Variants in CELF2 observed in about 807,000 individuals in gnomAD.
CELF2 encodes CUGBP Elav-like family member 2.
In CELF2, 8 loss-of-function variants were observed where a neutral mutation model predicts 62.6. The observed-to-expected ratio is 0.13, with a 90% CI of 0.07 to 0.23. The LOEUF (loss-of-function observed/expected upper bound fraction) is 0.23. Among genes scored for constraint, CELF2 ranks in the 10% least tolerant of loss-of-function variants. The probability of loss-of-function intolerance (pLI) is 1.00; values close to 1 mark genes in which losing one functional copy is unlikely to be tolerated. For missense variants in CELF2, 333 were observed against 671.0 expected, an observed-to-expected ratio of 0.50 and a Z score of 5.56; for synonymous variants, 258 against 250.0, an observed-to-expected ratio of 1.03 and a Z score of -0.30.
intron 3 of CELF2, among the ~76,000 whole-genome samples, chr10:11,222,514 A>AG (rs2065163333): frequency 6.6e-6 from 1 of 152,196 alleles, no homozygotes; most frequent in African/African-American, 2.4e-5. Context: ...GAGTCCTCGA[A>AG]GTCTTGTGCC....
chr10:11,152,678 T>G (rs774509636), intron 1 of CELF2, among the ~76,000 whole-genome samples: 2 of 152,268 alleles, frequency 1.3e-5, no homozygotes, highest in Non-Finnish European at 2.9e-5. Flanking sequence ...TCAGTTACTT[T>G]CTGTAGCATC....
At chr10:10,791,344 A>G in the CELF2 span, among the ~76,000 whole-genome samples, 3,976 of 152,094 alleles carry the variant, frequency 0.026, 76 homozygotes, top group South Asian at 0.047. Context: ...TAGGGATTCA[A>G]GAAACCAGTT....
intron 1 of CELF2, among the ~76,000 whole-genome samples, chr10:11,073,195 G>C (rs2070716605): frequency 1.3e-5 from 2 of 152,132 alleles, no homozygotes; most frequent in African/African-American, 4.8e-5. Context: ...GTGACTCAGT[G>C]GGCCTCCTGT....
rs186719250 is a variant in CELF2, at chr10:11,324,992, C to G, written c.1295-844C>G. ...AGCTCATATTTATGCCCTTTTGTGC[C>G]GCTTTTAACTTTCACATGGTGCTCA... On this transcript the variant is annotated intron_variant, in intron 11 of 12. Coordinates refer to ENST00000633077, the MANE Select transcript of CELF2 (RefSeq NM_001326342.2). The surrounding 1 kb of genome is among the most constrained non-coding windows in gnomAD (Gnocchi z 4.7). Among the ~76,000 whole-genome samples the G allele has an allele frequency of 1.3e-5, 2 of 152,282 alleles. No homozygotes were observed. Among genetic ancestry groups the G allele is most frequent in the African/African-American group, 4.8e-5 (2 of 41,556 alleles).
At chr10:10,481,644 C>T in the CELF2 span, among the ~76,000 whole-genome samples, 1 of 152,182 alleles carries the variant, frequency 6.6e-6, no homozygotes, top group African/African-American at 2.4e-5. Context: ...TGACATATGA[C>T]ATTATTGGAA....
chr10:10,686,778 C>G, the CELF2 span, among the ~76,000 whole-genome samples: 2 of 152,096 alleles, frequency 1.3e-5, no homozygotes, highest in African/African-American at 2.4e-5. Flanking sequence ...TATAAATTAC[C>G]CAGTCTCAGA....
intron 1 of CELF2, among the ~76,000 whole-genome samples, chr10:10,801,129 G>A (rs544925343): frequency 2.8e-4 from 42 of 151,762 alleles, no homozygotes; most frequent in Non-Finnish European, 5.3e-4. Flanking sequence ...CCAAATTTAA[G>A]TGAAGCTTAG....
At chr10:10,915,274 T>A (rs960925044) in intron 1 of CELF2, among the ~76,000 whole-genome samples, 2 of 152,084 alleles carry the variant, frequency 1.3e-5, no homozygotes, top group Non-Finnish European at 2.9e-5. Context: ...TTTTAAAAAA[T>A]GAACTTAAGA....
chr10:10,920,002 G>A, intron 2 of CELF2: 1 of 1,231,450 alleles, frequency 8.1e-7, no homozygotes, highest in East Asian at 3.2e-5. Flanking sequence ...CTACCAAGGT[G>A]AGCACGCTGG....
At chr10:10,465,683 C>T in the CELF2 span, among the ~76,000 whole-genome samples, 4 of 152,140 alleles carry the variant, frequency 2.6e-5, no homozygotes, top group Admixed American at 2.0e-4. Flanking sequence ...CCTCTATCCT[C>T]CTCATCTTTA....
the CELF2 span, among the ~76,000 whole-genome samples, chr10:10,616,487 T>C: frequency 3.3e-5 from 5 of 152,156 alleles, no homozygotes; most frequent in African/African-American, 1.2e-4. Context: ...AGGTTCTGTA[T>C]AAAATGCCTA....
the CELF2 span, among the ~76,000 whole-genome samples, chr10:10,730,780 G>A: frequency 7.2e-5 from 11 of 152,142 alleles, no homozygotes; most frequent in Non-Finnish European, 1.2e-4. Flanking sequence ...AAGCACCCAG[G>A]TCACTTCCAG....
chr10:10,903,926 T>C (rs1047790506), intron 1 of CELF2, among the ~76,000 whole-genome samples: 3 of 152,320 alleles, frequency 2.0e-5, no homozygotes, highest in Admixed American at 2.0e-4. Context: ...CTGATGTGGC[T>C]GGACCTGGCC....
intron 2 of CELF2, among the ~76,000 whole-genome samples, chr10:11,195,850 C>T (rs1565219668): frequency 6.6e-6 from 1 of 152,110 alleles, no homozygotes; most frequent in Non-Finnish European, 1.5e-5. Flanking sequence ...GCAGCAATGC[C>T]GAAGAGTGGG....
the CELF2 span, among the ~76,000 whole-genome samples, chr10:10,791,218 T>C: frequency 6.6e-6 from 1 of 152,132 alleles, no homozygotes; most frequent in Non-Finnish European, 1.5e-5. Context: ...ACTGAAATAT[T>C]TTATAGTCTA....
the CELF2 span, among the ~76,000 whole-genome samples, chr10:10,528,663 C>T: frequency 0.044 from 6,641 of 152,142 alleles, 463 homozygotes; most frequent in African/African-American, 0.15. Context: ...TTTCTATGAC[C>T]GCTCATCCTG....
At chr10:10,671,603 T>A in the CELF2 span, among the ~76,000 whole-genome samples, 1 of 152,214 alleles carries the variant, frequency 6.6e-6, no homozygotes, top group South Asian at 2.1e-4. Context: ...TTTGGTGTGG[T>A]CAATATTCTG....
chr10:11,194,494 G>C (rs2056889581), intron 2 of CELF2, among the ~76,000 whole-genome samples: 1 of 152,144 alleles, frequency 6.6e-6, no homozygotes, highest in African/African-American at 2.4e-5. Flanking sequence ...CAGTCCCCTA[G>C]AACCAGTAAG....
At position 10,957,936 on chromosome 10, in the gene CELF2, G is replaced by C. The variant is rs1223423364; in HGVS notation, c.89+37937G>C. Among the ~76,000 whole-genome samples, 2 of 152,114 alleles carry C rather than the reference G, an allele frequency of 1.3e-5. No individual in the cohort carries two copies. Among genetic ancestry groups the C allele is most frequent in the Non-Finnish European group, 2.9e-5 (2 of 68,020 alleles). On this transcript the variant is annotated intron_variant, in intron 2 of 13. Transcript: ENST00000636488. The surrounding 1 kb of genome is among the most constrained non-coding windows in gnomAD (Gnocchi z 4.1). ...AAAATCATTTTATGTCACCATTTTT[G>C]TTATGTGTTTCAGAGGAGCGCTATG...
Sources: allele counts gnomAD v4.1 joint callset (sites outside exome capture counted in the v4.1 genomes callset), GRCh38; gene constraint gnomAD v4.1.1; non-coding constraint Gnocchi (gnomAD v3.1); transcripts MANE v1.5; gene names NCBI Gene and HGNC (gene_info 2026-07-23, HGNC 2026-07-21).